PEX14: variants seen among roughly 807,000 people sequenced by gnomAD.
The protein encoded by PEX14 is peroxisomal biogenesis factor 14.
A neutral mutation model predicts 49.5 loss-of-function variants in PEX14; 15 were observed. The observed-to-expected ratio is 0.30, with a 90% CI of 0.20 to 0.47. The LOEUF is 0.47. Among genes scored for constraint, PEX14 ranks in the 20% least tolerant of loss-of-function variants. PEX14 has a pLI of 1.00. For synonymous variants in PEX14, 210 were observed against 212.7 expected, an observed-to-expected ratio of 0.99 and a Z score of 0.11; for missense variants, 398 against 494.8, an observed-to-expected ratio of 0.80 and a Z score of 1.86.
intron 3 of PEX14, among the ~76,000 whole-genome samples, chr1:10,565,875 C>T (rs1032617224): frequency 2.0e-5 from 3 of 151,978 alleles, no homozygotes; most frequent in East Asian, 3.9e-4. Flanking sequence ...TGTGGTAGCA[C>T]ATGCCTGTAG....
intron 2 of PEX14, among the ~76,000 whole-genome samples, chr1:10,535,105 G>A (rs1638760951): frequency 6.6e-6 from 1 of 152,148 alleles, no homozygotes; most frequent in South Asian, 2.1e-4. Flanking sequence ...AGGGCCTGTT[G>A]ACTTTATCTG....
intron 2 of PEX14, among the ~76,000 whole-genome samples, chr1:10,511,035 C>T (rs1392344302): frequency 6.6e-6 from 1 of 152,232 alleles, no homozygotes; most frequent in African/African-American, 2.4e-5. Flanking sequence ...TTCTCCACAT[C>T]CTGTTCCGTA....
intron 2 of PEX14, among the ~76,000 whole-genome samples, chr1:10,524,702 T>C (rs772386217): frequency 5.3e-5 from 8 of 152,098 alleles, no homozygotes; most frequent in Non-Finnish European, 8.8e-5. Flanking sequence ...GATTGATTGA[T>C]TGATTTTTAG....
At chr1:10,505,766 C>G (rs1379532979) in intron 2 of PEX14, among the ~76,000 whole-genome samples, 2 of 151,842 alleles carry the variant, frequency 1.3e-5, no homozygotes, top group East Asian at 3.9e-4. Context: ...CTACAACCTC[C>G]GCCTCCCGGG....
intron 2 of PEX14, chr1:10,524,421 A>G: frequency 2.1e-6 from 2 of 953,094 alleles, no homozygotes; most frequent in Non-Finnish European, 2.5e-6. Context: ...GCTGGGAAGA[A>G]TTTGAAAGGA....
intron 2 of PEX14, among the ~76,000 whole-genome samples, chr1:10,521,971 C>G (rs1638312247): frequency 6.6e-6 from 1 of 152,228 alleles, no homozygotes; most frequent in Admixed American, 6.5e-5. Flanking sequence ...ACGTCACACA[C>G]TGGCCCCAGT....
At position 10,554,444 on chromosome 1, in the gene PEX14, C is replaced by G. The variant is rs188922510; in HGVS notation, c.169+18147C>G. Among the ~76,000 whole-genome samples, 13 of 152,320 alleles carry G rather than the reference C, an allele frequency of 8.5e-5. No individual in the cohort carries two copies. The East Asian group carries it at 2.5e-3, about 29-fold the overall frequency. On this transcript the variant is annotated intron_variant, in intron 3 of 8. Coordinates refer to ENST00000356607, the MANE Select transcript of PEX14 (RefSeq NM_004565.3). ...GGAGATCCCAGAGCACACGCAGAGT[C>G]ATTGAACTCCATGATACTCATTCCA... is the stretch of plus-strand genomic sequence containing the variant.
At chr1:10,593,849 T>C (rs554982182) in intron 3 of PEX14, among the ~76,000 whole-genome samples, 2 of 152,242 alleles carry the variant, frequency 1.3e-5, no homozygotes, top group East Asian at 1.9e-4. Context: ...TTTATGGCTG[T>C]AATATCAAGG....
Position 10,475,017 on chromosome 1 carries a change from A to G in PEX14, c.36+15A>G. On this transcript the variant is annotated intron_variant, in intron 1 of 8. Coordinates refer to ENST00000356607, the MANE Select transcript of PEX14 (RefSeq NM_004565.3). ...AGCCGAGCCAGGTAAGGGGAGTGGG[A>G]CTGCCCCGCTGTGCGGCGGAGACCC... 6.2e-7 allele frequency: 1 copy of G among 1,606,704 alleles called. No individual in the cohort carries two copies. Among genetic ancestry groups the G allele is most frequent in the Non-Finnish European group, 8.5e-7 (1 of 1,176,582 alleles).
chr1:10,610,744 T>C (rs902256672), intron 4 of PEX14, among the ~76,000 whole-genome samples: 1 of 152,138 alleles, frequency 6.6e-6, no homozygotes, highest in African/African-American at 2.4e-5. Flanking sequence ...CCGTCCGCCT[T>C]GGCCTCCCAA....
At chr1:10,528,237 T>G (rs1638548514) in intron 2 of PEX14, 2 of 802,996 alleles carry the variant, frequency 2.5e-6, no homozygotes, top group Non-Finnish European at 3.0e-6. Flanking sequence ...GTCTCCTTCC[T>G]AATCATCCCG....
At chr1:10,477,750 C>G (rs1204261871) in intron 1 of PEX14, among the ~76,000 whole-genome samples, 2 of 152,208 alleles carry the variant, frequency 1.3e-5, no homozygotes, top group African/African-American at 4.8e-5. Flanking sequence ...GCTTGGAATC[C>G]TAACTCCACT....
intron 4 of PEX14, among the ~76,000 whole-genome samples, chr1:10,616,131 G>T (rs1366662423): frequency 2.0e-5 from 3 of 152,134 alleles, no homozygotes; most frequent in East Asian, 1.9e-4. Flanking sequence ...GGGACTCCAG[G>T]CCCCTCCAGC....
At chr1:10,600,441 G>T (rs1229129712) in intron 4 of PEX14, among the ~76,000 whole-genome samples, 1 of 151,702 alleles carries the variant, frequency 6.6e-6, no homozygotes, top group African/African-American at 2.4e-5. Flanking sequence ...AACAGGCAGG[G>T]TGCAGTGGCT....
At chr1:10,487,611 A>T (rs752085714) in intron 1 of PEX14, among the ~76,000 whole-genome samples, 1 of 149,654 alleles carries the variant, frequency 6.7e-6, no homozygotes, top group East Asian at 2.0e-4. Context: ...CAGCCTCCCA[A>T]GTATCTGGGA....
rs1195555212 is a variant in PEX14, at chr1:10,609,257, A to C, written c.299-9075A>C. Among the ~76,000 whole-genome samples, 2 of 152,204 alleles carry C rather than the reference A, an allele frequency of 1.3e-5. 1 individual carries two copies. Among genetic ancestry groups the C allele is most frequent in the South Asian group, 4.1e-4 (2 of 4,828 alleles). On this transcript the variant is annotated intron_variant, in intron 4 of 8. Coordinates refer to ENST00000356607, the MANE Select transcript of PEX14 (RefSeq NM_004565.3). ...AAGTTCTGTGTGGACATACGTTTTC[A>C]TTCCTCTTGGGTAGATATCTAGGAG...
intron 3 of PEX14, among the ~76,000 whole-genome samples, chr1:10,575,731 A>T (rs1044819770): frequency 5.3e-5 from 8 of 152,178 alleles, no homozygotes; most frequent in African/African-American, 1.9e-4. Flanking sequence ...TTTTTTGTAT[A>T]AAGGAATTAG....
chr1:10,626,899 G>A (rs1641763888), intron 7 of PEX14, among the ~76,000 whole-genome samples: 1 of 152,162 alleles, frequency 6.6e-6, no homozygotes, highest in Non-Finnish European at 1.5e-5. Flanking sequence ...GGAAGGATGG[G>A]GTTTGTCAGA....
intron 3 of PEX14, among the ~76,000 whole-genome samples, chr1:10,564,984 A>T (rs895736951): frequency 2.0e-5 from 3 of 149,232 alleles, no homozygotes; most frequent in African/African-American, 7.5e-5. Flanking sequence ...GCTCACTGCA[A>T]CCTCTGCCTC....
Sources: gnomAD v4.1 joint callset for allele counts (sites outside exome capture counted in the v4.1 genomes callset) on GRCh38, gnomAD v4.1.1 for gene constraint, MANE v1.5 for transcripts, NCBI Gene and HGNC (gene_info 2026-07-23, HGNC 2026-07-21) for gene names.